OAS3: variants seen among roughly 807,000 people sequenced by gnomAD.
OAS3 encodes 2'-5'-oligoadenylate synthetase 3, also known as 2'-5'-oligoadenylate synthase 3.
In OAS3, 107 loss-of-function variants were observed where a neutral mutation model predicts 113.0. The observed-to-expected ratio is 0.95, with a 90% CI of 0.81 to 1.11. The LOEUF is 1.11. Ranked by LOEUF, OAS3 falls within the 50% of genes most tolerant of loss-of-function variation. The pLI is 0.00. For missense variants in OAS3, 1,258 were observed against 1,389.1 expected, an observed-to-expected ratio of 0.91 and a Z score of 1.50; for synonymous variants, 552 against 573.6, an observed-to-expected ratio of 0.96 and a Z score of 0.54.
Position 112,950,683 on chromosome 12 carries a change from C to G in OAS3, c.1375-10C>G. 1 of 1,613,634 alleles carries G rather than the reference C, an allele frequency of 6.2e-7. No individual in the cohort carries two copies. Among genetic ancestry groups the G allele is most frequent in the Admixed American group, 1.7e-5 (1 of 60,016 alleles). On this transcript the variant is annotated splice_polypyrimidine_tract_variant and intron_variant, in intron 6 of 15. Transcript: ENST00000228928. ...AGGGTCCCTGATCTGAGCTGTTCTTCCCTCCACAGGGGGGCTCATTTGGCC... is the reference window on the plus strand; with the variant it reads ...AGGGTCCCTGATCTGAGCTGTTCTTGCCTCCACAGGGGGGCTCATTTGGCC...
chr12:112,957,999 A>G (rs1388109337), intron 7 of OAS3, among the ~76,000 whole-genome samples: 2 of 152,188 alleles, frequency 1.3e-5, no homozygotes, highest in Non-Finnish European at 2.9e-5. Context: ...TGATCTTTTC[A>G]TATAGTCCCA....
In OAS3 at chr12:112,967,282, T is replaced by C. The variant is rs11066462; in HGVS notation, c.2690-136T>C. ...ATCTGTGTTCCACCTAAAAACACCC[T>C]GTGGCCTCCCAGTGGATCCCAGACC... On this transcript the variant is annotated intron_variant, in intron 12 of 15. Coordinates refer to ENST00000228928, the MANE Select transcript of OAS3 (RefSeq NM_006187.4). 15,401 of 739,034 alleles carry C rather than the reference T, an allele frequency of 0.021. 1,541 individuals carry two copies. In the African/African-American group the frequency reaches 0.23, roughly 11 times the overall value. 45.8% of individuals were successfully genotyped at this position (739,034 alleles called of 1,614,324 possible).
chr12:112,966,318 T>C (rs190369490), intron 12 of OAS3, among the ~76,000 whole-genome samples: 11 of 152,356 alleles, frequency 7.2e-5, no homozygotes, highest in African/African-American at 1.9e-4. Flanking sequence ...TTCCCCGTCC[T>C]GAGCCCCAGT....
At chr12:112,961,032 A>T (rs370922576) in intron 7 of OAS3, 39 bp from the exon 8 acceptor site, 1 of 1,603,028 alleles carries the variant, frequency 6.2e-7, no homozygotes, top group South Asian at 1.1e-5. Context: ...GCTGTCTTCA[A>T]TTGGAGTTGC....
In OAS3 at chr12:112,941,585, C is replaced by T. The variant is rs12819767; in HGVS notation, c.193C>T (p.Arg65Trp). The T allele has an allele frequency of 0.018, 28,814 of 1,612,282 alleles. 338 individuals are homozygous for T. Among genetic ancestry groups the T allele is most frequent in the Non-Finnish European group, 0.02 (24,111 of 1,178,440 alleles). ...LKTVKGGSSG[R>W]GTALKGGCDS... ...CTTTGCCCAGGGAGGCTCCTCGGGC[C>T]GGGGCACAGCTCTCAAGGGTGGCTG... Residue 65 changes from arginine (R) to tryptophan (W), a missense_variant, in exon 2 of 16, where the codon CGG becomes TGG. By Grantham distance (101) the Arg-to-Trp change is moderately radical. Transcript: ENST00000228928.
intron 14 of OAS3, among the ~76,000 whole-genome samples, chr12:112,968,825 A>G (rs2043959356): frequency 6.6e-6 from 1 of 152,136 alleles, no homozygotes; most frequent in Non-Finnish European, 1.5e-5. Flanking sequence ...TTGTATTTGT[A>G]TTTGTTAAAT....
chr12:112,963,408 C>T lies in OAS3; in HGVS notation c.2180C>T (p.Ala727Val). The T allele has an allele frequency of 1.3e-6, 2 of 1,551,896 alleles. No individual in the cohort carries two copies. Among genetic ancestry groups the T allele is most frequent in the Non-Finnish European group, 1.7e-6 (2 of 1,147,104 alleles). Reference sequence around the variant, plus strand: ...GAAGCAGCAGCGCTGGGGATGCAGGCCTGCTTTCTGAGTAGAGACGGGACA... The same window carrying T: ...GAAGCAGCAGCGCTGGGGATGCAGGTCTGCTTTCTGAGTAGAGACGGGACA... ...AQEAAALGMQ[A>V]CFLSRDGTSV... Residue 727 changes from alanine to valine, a missense_variant, in exon 10 of 16, where the codon GCC (alanine) becomes GTC (valine). Physicochemically the swap from Ala to Val is moderately conservative, Grantham distance 64. Coordinates refer to ENST00000228928, the MANE Select transcript of OAS3 (RefSeq NM_006187.4). This position sits in a 1 kb window ranked among gnomAD's most constrained non-coding sequence, Gnocchi z 4.6.
At chr12:112,967,328 G>C (rs1209257652) in intron 12 of OAS3, 90 bp from the exon 13 acceptor site, 1 of 1,282,282 alleles carries the variant, frequency 7.8e-7, no homozygotes, top group Non-Finnish European at 1.1e-6. Context: ...AAACACCCAA[G>C]AGGTAGGAGA....
Position 112,961,194 on chromosome 12 carries a change from G to T in OAS3, c.1781G>T (p.Arg594Leu). Residue 594 changes from arginine (R) to leucine (L), a missense_variant, in exon 8 of 16, where the codon CGC becomes CTC. By Grantham distance (102) the Arg-to-Leu change is moderately radical. Transcript: ENST00000228928. ...AELRRNFMNIRPVKLKNLILL... is the reference protein window; with the variant it reads ...AELRRNFMNILPVKLKNLILL... ...CTGCGGAGGAACTTCATGAACATTC[G>T]CCCTGTCAAGCTGAAGAACCTGATT... 6.2e-7 allele frequency: 1 copy of T among 1,613,974 alleles called. No homozygotes were observed. The highest frequency in any genetic ancestry group is 1.1e-5 in the South Asian group (1 of 91,068).
Position 112,972,715 on chromosome 12 carries a change from G to A in OAS3, c.*2742G>A, listed in dbSNP as rs1045509770. 2 of 152,170 alleles carry A rather than the reference G, an allele frequency of 1.3e-5. No individual in the cohort carries two copies. Among genetic ancestry groups the A allele is most frequent in the African/African-American group, 4.8e-5 (2 of 41,436 alleles). 9.4% of individuals were successfully genotyped at this position (152,170 alleles called of 1,614,324 possible). On this transcript the variant is annotated 3_prime_UTR_variant, in exon 16 of 16. Transcript: ENST00000228928. The stretch of plus-strand genomic sequence containing the variant: ...TTCCAAGACTCTGGGGAAAAAAGTA[G>A]TAAAAAGCTAAATGCAATCAATCAG...
In OAS3 at chr12:112,970,855, T is replaced by C. The variant is rs1466579607; in HGVS notation, c.*882T>C. 1 of 152,250 alleles carries C rather than the reference T, an allele frequency of 6.6e-6. No homozygotes were observed. The highest frequency in any genetic ancestry group is 2.4e-5 in the African/African-American group (1 of 41,456). 9.4% of individuals were successfully genotyped at this position (152,250 alleles called of 1,614,324 possible). On this transcript the variant is annotated 3_prime_UTR_variant, in exon 16 of 16. Transcript: ENST00000228928. ...TTTATGCTGCACTCCTCCCCTAGTTTACACATCTTGATGCTGTGGCTCAGT... is the reference window on the plus strand; with the variant it reads ...TTTATGCTGCACTCCTCCCCTAGTTCACACATCTTGATGCTGTGGCTCAGT...
In OAS3 at chr12:112,948,079, G is replaced by A. The variant is rs763032423; in HGVS notation, c.1009G>A (p.Val337Met). ...PCFLRGMGDPVQSWKGPGLPR... is the reference protein window; with the variant it reads ...PCFLRGMGDPMQSWKGPGLPR... Reference sequence around the variant, plus strand: ...CTTTCTGAGGGGGATGGGGGACCCAGTGCAGTCTTGGAAGGGGCCGGTAAG... The same window carrying A: ...CTTTCTGAGGGGGATGGGGGACCCAATGCAGTCTTGGAAGGGGCCGGTAAG... The change falls in exon 5 of 16, where the codon GTG becomes ATG. Residue 337 changes from valine to methionine, a missense_variant. Coordinates refer to ENST00000228928, the MANE Select transcript of OAS3 (RefSeq NM_006187.4). 1.3e-6 allele frequency: 2 copies of A among 1,557,304 alleles called. No homozygotes were observed. The highest frequency in any genetic ancestry group is 3.9e-5 in the Admixed American group (2 of 51,584).
intron 2 of OAS3, among the ~76,000 whole-genome samples, chr12:112,943,824 G>A (rs1299501235): frequency 1.3e-5 from 2 of 152,110 alleles, no homozygotes; most frequent in East Asian, 3.9e-4. Flanking sequence ...AGCAATTCTC[G>A]TGCTTCGGCC....
At chr12:112,949,951 G>A (rs1248568648) in intron 6 of OAS3, among the ~76,000 whole-genome samples, 1 of 152,118 alleles carries the variant, frequency 6.6e-6, no homozygotes, top group Non-Finnish European at 1.5e-5. Flanking sequence ...CCCGGGAGGC[G>A]GAGGTTGCAG....
intron 8 of OAS3, 147 bp downstream of exon 8, chr12:112,961,393 T>C (rs1231754177): frequency 6.9e-6 from 5 of 720,778 alleles, no homozygotes; most frequent in Non-Finnish European, 1.1e-5. Flanking sequence ...CCATCCTCCA[T>C]TTCCTGCCCA....
intron 7 of OAS3, among the ~76,000 whole-genome samples, chr12:112,952,153 C>T (rs969137038): frequency 2.0e-5 from 3 of 152,064 alleles, no homozygotes; most frequent in African/African-American, 7.2e-5. Flanking sequence ...GGATATTTAT[C>T]CCTTGTTCCT....
chr12:112,964,366 C>T lies in OAS3; in HGVS notation c.2361C>T (p.Asn787=), dbSNP rs1338185018. Residue 787 remains asparagine (N), a synonymous_variant, in exon 11 of 16, where the codon AAC becomes AAT. Transcript: ENST00000228928. ...VDTICSFLKE[N]CFRNSPIKVI... ...CCATCTGTTCATTTTTGAAGGAAAA[C>T]TGCTTCCGGAATTCTCCCATCAAAG... is the stretch of plus-strand genomic sequence containing the variant. 1 of 1,612,506 alleles carries T rather than the reference C, an allele frequency of 6.2e-7. No individual in the cohort carries two copies. Among genetic ancestry groups the T allele is most frequent in the East Asian group, 2.2e-5 (1 of 44,866 alleles).
At chr12:112,967,230 C>G (rs1218601080) in intron 12 of OAS3, among the ~76,000 whole-genome samples, 188 bp from the exon 13 acceptor site, 1 of 152,192 alleles carries the variant, frequency 6.6e-6, no homozygotes, top group Non-Finnish European at 1.5e-5. Flanking sequence ...ATGACTGTCA[C>G]CAGGGATTTA....
At chr12:112,968,794 C>A (rs1404963014) in intron 14 of OAS3, among the ~76,000 whole-genome samples, 1 of 152,208 alleles carries the variant, frequency 6.6e-6, no homozygotes, top group Admixed American at 6.5e-5. Context: ...GGATTACAGG[C>A]ATGAGCCACT....
Sources: allele counts gnomAD v4.1 joint callset (sites outside exome capture counted in the v4.1 genomes callset), GRCh38; gene constraint gnomAD v4.1.1; non-coding constraint Gnocchi (gnomAD v3.1); transcripts MANE v1.5; gene names NCBI Gene and HGNC (gene_info 2026-07-23, HGNC 2026-07-21).